Variants in RABGAP1L observed in about 807,000 individuals in gnomAD.
The protein encoded by RABGAP1L is rab GTPase-activating protein 1-like.
In RABGAP1L, 63 loss-of-function variants were observed where a neutral mutation model predicts 137.7. That is an observed-to-expected ratio of 0.46 (90% CI 0.37 to 0.56). The LOEUF (loss-of-function observed/expected upper bound fraction) is 0.56. Among genes scored for constraint, RABGAP1L ranks in the 20% least tolerant of loss-of-function variants. RABGAP1L has a pLI of 0.00. For missense variants in RABGAP1L, 1,095 were observed against 1,244.0 expected, an observed-to-expected ratio of 0.88 and a Z score of 1.80; for synonymous variants, 431 against 433.7, an observed-to-expected ratio of 0.99 and a Z score of 0.08.
At position 174,640,072 on chromosome 1, in the gene RABGAP1L, A is replaced by C. The variant is rs150316251; in HGVS notation, c.1824+2584A>C. Among the ~76,000 whole-genome samples, 108 of 152,300 alleles carry C rather than the reference A, an allele frequency of 7.1e-4. 1 individual carries two copies. The highest frequency in any genetic ancestry group is 2.4e-3 in the African/African-American group (100 of 41,580). ...TACATTAGACATAGTATTAAATAAA[A>C]GCAATAAAAGTTTTTAAGGATTTTA... is the stretch of plus-strand genomic sequence containing the variant. On this transcript the variant is annotated intron_variant, in intron 14 of 25. Coordinates refer to ENST00000681986, the MANE Select transcript of RABGAP1L (RefSeq NM_001366446.1).
chr1:174,799,714 C>G (rs1034858632), intron 18 of RABGAP1L, among the ~76,000 whole-genome samples: 2 of 151,996 alleles, frequency 1.3e-5, no homozygotes, highest in Admixed American at 6.6e-5. Context: ...CTCCTCTTCC[C>G]TCCCCTTCCT....
At chr1:174,532,461 C>A (rs1664505766) in intron 13 of RABGAP1L, among the ~76,000 whole-genome samples, 1 of 152,124 alleles carries the variant, frequency 6.6e-6, no homozygotes, top group Non-Finnish European at 1.5e-5. Context: ...CCCGCCTCGG[C>A]CTTCCAAAGT....
intron 17 of RABGAP1L, among the ~76,000 whole-genome samples, chr1:174,739,295 A>C (rs1214899542): frequency 6.6e-6 from 1 of 152,228 alleles, no homozygotes; most frequent in Admixed American, 6.5e-5. Flanking sequence ...TTACTAATAG[A>C]AAATGGTTTG....
intron 13 of RABGAP1L, among the ~76,000 whole-genome samples, chr1:174,502,802 C>G (rs544637280): frequency 6.6e-6 from 1 of 151,660 alleles, no homozygotes; most frequent in Admixed American, 6.6e-5. Context: ...TGAAACTTTT[C>G]AAATGCAAAA....
intron 13 of RABGAP1L, among the ~76,000 whole-genome samples, chr1:174,613,920 C>T (rs1378909454): frequency 6.6e-6 from 1 of 152,118 alleles, no homozygotes; most frequent in African/African-American, 2.4e-5. Flanking sequence ...GTAGATCTTC[C>T]TCCATCCCTT....
chr1:174,513,195 T>C (rs1662507897), intron 13 of RABGAP1L, among the ~76,000 whole-genome samples: 1 of 152,212 alleles, frequency 6.6e-6, no homozygotes, highest in Non-Finnish European at 1.5e-5. Flanking sequence ...GCTTTTAAAA[T>C]GTTGATTCTA....
intron 17 of RABGAP1L, among the ~76,000 whole-genome samples, chr1:174,748,488 TC>T (rs1684062811): frequency 6.6e-6 from 1 of 152,146 alleles, no homozygotes; most frequent in African/African-American, 2.4e-5. Context: ...CAGACCATGA[TC>T]CATGACACAG....
intron 11 of RABGAP1L, among the ~76,000 whole-genome samples, chr1:174,364,108 A>G (rs1684378216): frequency 2.0e-5 from 3 of 151,758 alleles, no homozygotes; most frequent in African/African-American, 7.3e-5. Flanking sequence ...TTTGAGTAGG[A>G]TTGGTATTAG....
chr1:174,571,955 G>T (rs1375334956), intron 13 of RABGAP1L, among the ~76,000 whole-genome samples: 1 of 152,038 alleles, frequency 6.6e-6, no homozygotes, highest in Non-Finnish European at 1.5e-5. Context: ...TCTTTCTTTA[G>T]GAACGCCTCA....
At chr1:174,279,862 A>G (rs951155733) in intron 10 of RABGAP1L, among the ~76,000 whole-genome samples, 4 of 152,056 alleles carry the variant, frequency 2.6e-5, no homozygotes, top group Non-Finnish European at 5.9e-5. Context: ...TGACTATCCA[A>G]TAATTCTTCA....
At chr1:174,756,666 A>G (rs1451723372) in intron 18 of RABGAP1L, among the ~76,000 whole-genome samples, 1 of 152,164 alleles carries the variant, frequency 6.6e-6, no homozygotes, top group African/African-American at 2.4e-5. Context: ...AGGCGGAGGC[A>G]TGCAAGAGTG....
intron 10 of RABGAP1L, among the ~76,000 whole-genome samples, chr1:174,293,417 C>G (rs1185118755): frequency 2.0e-5 from 3 of 152,126 alleles, no homozygotes; most frequent in African/African-American, 7.2e-5. Flanking sequence ...AAAAAGATTT[C>G]TGCTCTAAAA....
intron 19 of RABGAP1L, among the ~76,000 whole-genome samples, chr1:174,895,598 C>G (rs1347820950): frequency 6.6e-6 from 1 of 152,034 alleles, no homozygotes; most frequent in Admixed American, 6.6e-5. Context: ...CCCACTCCCC[C>G]CACCCCATGA....
At chr1:174,832,320 A>G (rs926508703) in intron 19 of RABGAP1L, among the ~76,000 whole-genome samples, 1 of 147,560 alleles carries the variant, frequency 6.8e-6, no homozygotes, top group African/African-American at 2.5e-5. Flanking sequence ...AAGAAAAAGA[A>G]AAAAGAAAAA....
chr1:174,816,344 G>T (rs969282105), intron 19 of RABGAP1L, among the ~76,000 whole-genome samples: 32 of 151,630 alleles, frequency 2.1e-4, no homozygotes, highest in Admixed American at 1.6e-3. Flanking sequence ...TAGAGATGGG[G>T]TTTCTCCATC....
At position 174,561,322 on chromosome 1, in the gene RABGAP1L, A is replaced by G. The variant is rs866714152; in HGVS notation, c.1711-76053A>G. Among the ~76,000 whole-genome samples the G allele has an allele frequency of 2.0e-5, 3 of 152,348 alleles. 1 individual carries two copies. The highest frequency in any genetic ancestry group is 6.8e-3 in the Middle Eastern group (2 of 294). On this transcript the variant is annotated intron_variant, in intron 13 of 25. Transcript: ENST00000681986. ...TACAGGGATGTGAAGGACCTCTTCA[A>G]GGAGAACTAGAAACCACTGCTCAAG...
chr1:174,622,801 A>G (rs1305406945), intron 13 of RABGAP1L, among the ~76,000 whole-genome samples: 1 of 152,214 alleles, frequency 6.6e-6, no homozygotes, highest in Non-Finnish European at 1.5e-5. Context: ...ACATGTATAC[A>G]TATGTAACTA....
intron 16 of RABGAP1L, among the ~76,000 whole-genome samples, chr1:174,701,804 A>G (rs542237299): frequency 1.5e-4 from 23 of 152,250 alleles, no homozygotes; most frequent in Non-Finnish European, 2.8e-4. Flanking sequence ...CCTGGAGTCA[A>G]GATACTCATT....
intron 17 of RABGAP1L, among the ~76,000 whole-genome samples, chr1:174,738,534 TAATG>T (rs1683138341): frequency 6.6e-6 from 1 of 152,186 alleles, no homozygotes; most frequent in Non-Finnish European, 1.5e-5. Flanking sequence ...GTCTTAGACT[TAATG>T]AATCAGAATT....
Sources: gnomAD v4.1 joint callset for allele counts (sites outside exome capture counted in the v4.1 genomes callset) on GRCh38, gnomAD v4.1.1 for gene constraint, MANE v1.5 for transcripts, NCBI Gene and HGNC (gene_info 2026-07-23, HGNC 2026-07-21) for gene names.